Variants in PCDHA5 observed in about 807,000 individuals in gnomAD.
The protein encoded by PCDHA5 is protocadherin alpha-5.
Under a neutral mutation model 61.6 loss-of-function variants are expected in PCDHA5, and 43 were observed. That is an observed-to-expected ratio of 0.70 (90% CI 0.55 to 0.90). The LOEUF (loss-of-function observed/expected upper bound fraction) is 0.90. Among genes scored for constraint, PCDHA5 ranks in the 40% least tolerant of loss-of-function variants. The pLI, the probability that PCDHA5 is intolerant of heterozygous loss-of-function variation, is 0.00. For missense variants in PCDHA5, 1,298 were observed against 1,222.7 expected (o/e 1.06, Z -0.92); for synonymous variants, 627 against 543.9 (o/e 1.15, Z -2.13).
intron 1 of PCDHA5, among the ~76,000 whole-genome samples, chr5:140,975,124 C>T (rs560299893): frequency 6.6e-6 from 1 of 152,268 alleles, no homozygotes; most frequent in African/African-American, 2.4e-5. Flanking sequence ...TTCCTACTTA[C>T]TATTGGCCTG....
intron 1 of PCDHA5, among the ~76,000 whole-genome samples, chr5:140,972,018 A>G (rs2096514313): frequency 6.6e-6 from 1 of 152,162 alleles, no homozygotes; most frequent in Non-Finnish European, 1.5e-5. Flanking sequence ...TTTATATGGG[A>G]TATTCAGGCA....
At chr5:140,952,479 A>C (rs246034) in intron 1 of PCDHA5, among the ~76,000 whole-genome samples, 85,668 of 152,018 alleles carry the variant, frequency 0.56, 24,767 homozygotes, top group African/African-American at 0.69. Flanking sequence ...GGAAAGTGAC[A>C]TTTGCTCCAG....
At chr5:140,905,197 T>A (rs2071673542) in intron 1 of PCDHA5, among the ~76,000 whole-genome samples, 1 of 152,220 alleles carries the variant, frequency 6.6e-6, no homozygotes. Flanking sequence ...TTGATCCATC[T>A]TGAGTTGATT....
intron 1 of PCDHA5, among the ~76,000 whole-genome samples, chr5:140,839,040 T>C (rs1469530871): frequency 6.6e-6 from 1 of 152,080 alleles, no homozygotes; most frequent in Non-Finnish European, 1.5e-5. Flanking sequence ...TGTTTTCTTT[T>C]CAACGTGAAT....
At chr5:140,988,519 T>C (rs187868159) in intron 3 of PCDHA5, among the ~76,000 whole-genome samples, 69 of 152,324 alleles carry the variant, frequency 4.5e-4, no homozygotes, top group African/African-American at 1.5e-3. Context: ...TACTTAAGTC[T>C]CTGCTGGCTC....
Position 140,856,558 on chromosome 5 carries a change from A to C in PCDHA5, c.2352+32431A>C, listed in dbSNP as rs372031038. ...GAGAGAACGCATTGCTTACTTACAAACTCAGTCCAAATGAGTATTTTGTTC... is the reference window on the plus strand; with the variant it reads ...GAGAGAACGCATTGCTTACTTACAACCTCAGTCCAAATGAGTATTTTGTTC... On this transcript the variant is annotated intron_variant, in intron 1 of 3. Coordinates refer to ENST00000529859, the MANE Select transcript of PCDHA5 (RefSeq NM_018908.3). The C allele has an allele frequency of 1.3e-5, 21 of 1,598,088 alleles. 2 individuals are homozygous for C. The East Asian group carries it at 1.8e-4, about 14-fold the overall frequency.
intron 1 of PCDHA5, chr5:140,851,026 C>A (rs1554145197): frequency 2.8e-6 from 4 of 1,416,346 alleles, no homozygotes; most frequent in Admixed American, 5.4e-5. Flanking sequence ...ATAAAGTAAA[C>A]CCCTTAACAT....
At position 140,828,784 on chromosome 5, in the gene PCDHA5, A is replaced by G. The variant is rs140143150; in HGVS notation, c.2352+4657A>G. 13 of 1,614,228 alleles carry G rather than the reference A, an allele frequency of 8.1e-6. No homozygotes were observed. The South Asian group carries it at 1.3e-4, about 16-fold the overall frequency. ...CAGGCACTGTTCAGCTGCTGGTCAC[A>G]GTGCTGGATGTGAATGATAATGCTC... is the stretch of plus-strand genomic sequence containing the variant. On this transcript the variant is annotated intron_variant, in intron 1 of 3. Transcript: ENST00000529859.
At chr5:140,829,046 C>G (rs1182116205) in intron 1 of PCDHA5, 1 of 1,612,782 alleles carries the variant, frequency 6.2e-7, no homozygotes, top group African/African-American at 1.3e-5. Context: ...ATACAAAATC[C>G]TCATTGACGC....
intron 1 of PCDHA5, among the ~76,000 whole-genome samples, chr5:140,885,674 C>A (rs1041500524): frequency 2.1e-4 from 32 of 152,192 alleles, no homozygotes; most frequent in African/African-American, 7.0e-4. Flanking sequence ...AGCACTCTTT[C>A]TATCTCAAGA....
intron 2 of PCDHA5, 171 bp downstream of exon 2, chr5:140,979,178 G>T: frequency 1.1e-6 from 1 of 944,140 alleles, no homozygotes; most frequent in Non-Finnish European, 1.3e-6. Flanking sequence ...GATCGCAAAT[G>T]GTCAGTGCCA....
intron 1 of PCDHA5, among the ~76,000 whole-genome samples, chr5:140,909,322 T>A (rs1554193738): frequency 6.6e-6 from 1 of 152,236 alleles, no homozygotes. Context: ...ATTTGCCAAA[T>A]CAATGGTTGC....
chr5:141,009,705 G>A lies in PCDHA5; in HGVS notation c.2579G>A (p.Gly860Asp), dbSNP rs1554262289. Reference sequence around the variant, plus strand: ...AGCTGGACCTTTAAATACGGACCAGGCAACCCCAAACAATCCGGTCCCGGT... The same window carrying A: ...AGCTGGACCTTTAAATACGGACCAGACAACCCCAAACAATCCGGTCCCGGT... ...SNSWTFKYGPGNPKQSGPGEL... is the reference protein window; with the variant it reads ...SNSWTFKYGPDNPKQSGPGEL... Residue 860 changes from glycine (G) to aspartate (D), a missense_variant, in exon 4 of 4, where the codon GGC (glycine) becomes GAC (aspartate). Physicochemically the swap from Gly to Asp is moderately conservative, Grantham distance 94 (BLOSUM62 -1). Transcript: ENST00000529859. The A allele has an allele frequency of 6.2e-7, 1 of 1,614,106 alleles. No homozygotes were observed. Among genetic ancestry groups the A allele is most frequent in the Non-Finnish European group, 8.5e-7 (1 of 1,180,026 alleles).
rs1229783262 is a variant in PCDHA5 at position 140,850,596 on chromosome 5, A to G, written c.2352+26469A>G. ...GCTGGTGGATGTCAACGTGTACCTG[A>G]TCATCGCCATCTGCGCGGTGTCTAG... On this transcript the variant is annotated intron_variant, in intron 1 of 3. Coordinates refer to ENST00000529859, the MANE Select transcript of PCDHA5 (RefSeq NM_018908.3). 2 of 1,598,308 alleles carry G rather than the reference A, an allele frequency of 1.3e-6. 1 individual carries two copies. The highest frequency in any genetic ancestry group is 1.7e-6 in the Non-Finnish European group (2 of 1,167,786).
chr5:140,823,626 G>A lies in PCDHA5; in HGVS notation c.1851G>A (p.Ala617=), dbSNP rs1554129494. 2 of 1,613,916 alleles carry A rather than the reference G, an allele frequency of 1.2e-6. No individual in the cohort carries two copies. Among genetic ancestry groups the A allele is most frequent in the Admixed American group, 3.3e-5 (2 of 60,008 alleles). ...AGCTGCAGCCAGCGCCTGGCAGTGC[G>A]CGCATCCCGTTCCGCGTGGGGCTGT... The part of the protein sequence containing the change: ...SYELQPAPGS[A]RIPFRVGLYT... Residue 617 remains alanine, a synonymous_variant, in exon 1 of 4, where the codon GCG becomes GCA. Transcript: ENST00000529859.
Position 140,843,320 on chromosome 5 carries a change from G to T in PCDHA5, c.2352+19193G>T, listed in dbSNP as rs2150357378. ...GCTGACCGCCACGGCCACGGTTCTGGTGTCGCTGGTGGAGAGCGGCCAGGC... is the reference window on the plus strand; with the variant it reads ...GCTGACCGCCACGGCCACGGTTCTGTTGTCGCTGGTGGAGAGCGGCCAGGC... On this transcript the variant is annotated intron_variant, in intron 1 of 3. Coordinates refer to ENST00000529859, the MANE Select transcript of PCDHA5 (RefSeq NM_018908.3). 2.5e-6 allele frequency: 4 copies of T among 1,596,056 alleles called. No individual in the cohort carries two copies. The South Asian group carries it at 4.4e-5, about 18-fold the overall frequency.
intron 1 of PCDHA5, among the ~76,000 whole-genome samples, chr5:140,959,785 C>T (rs976645506): frequency 3.5e-4 from 53 of 152,280 alleles, no homozygotes; most frequent in African/African-American, 1.2e-3. Context: ...TGTATATTAA[C>T]ATGGCTAATT....
chr5:140,823,645 G>C lies in PCDHA5; in HGVS notation c.1870G>C (p.Gly624Arg). 6.2e-7 allele frequency: 1 copy of C among 1,614,010 alleles called. No individual in the cohort carries two copies. Among genetic ancestry groups the C allele is most frequent in the Middle Eastern group, 1.7e-4 (1 of 6,060 alleles). Reference sequence around the variant, plus strand: ...CAGTGCGCGCATCCCGTTCCGCGTGGGGCTGTACACAGGCGAGATCAGCAC... The same window carrying C: ...CAGTGCGCGCATCCCGTTCCGCGTGCGGCTGTACACAGGCGAGATCAGCAC... ...PGSARIPFRV[G>R]LYTGEISTTR... Residue 624 changes from glycine to arginine, a missense_variant, in exon 1 of 4, where the codon GGG (glycine) becomes CGG (arginine). Gly to Arg is a moderately radical substitution (Grantham distance 125). Coordinates refer to ENST00000529859, the MANE Select transcript of PCDHA5 (RefSeq NM_018908.3).
At chr5:140,898,701 A>G (rs1216294301) in intron 1 of PCDHA5, among the ~76,000 whole-genome samples, 2 of 152,102 alleles carry the variant, frequency 1.3e-5, no homozygotes, top group African/African-American at 4.8e-5. Context: ...ATGAACTTTA[A>G]AGTAGTTTTT....
Sources: allele counts gnomAD v4.1 joint callset (sites outside exome capture counted in the v4.1 genomes callset), GRCh38; gene constraint gnomAD v4.1.1; transcripts MANE v1.5; gene names NCBI Gene and HGNC (gene_info 2026-07-23, HGNC 2026-07-21).